The following ALKAL1 variants were observed in gnomAD, a reference collection of about 807,000 sequenced individuals.
ALKAL1 encodes the protein AUG-beta.
A neutral mutation model predicts 13.5 loss-of-function variants in ALKAL1; 23 were observed. The observed-to-expected ratio is 1.70, with a 90% confidence interval of 1.23 to 2.41. The LOEUF is 2.41. Ranked by LOEUF, ALKAL1 falls within the 30% of genes most tolerant of loss-of-function variation. The probability of loss-of-function intolerance (pLI) is 0.00; values close to 1 mark genes in which losing one functional copy is unlikely to be tolerated. For missense variants in ALKAL1, 181 were observed against 178.4 expected, an observed-to-expected ratio of 1.01 and a Z score of -0.08; for synonymous variants, 85 against 77.7, an observed-to-expected ratio of 1.09 and a Z score of -0.49.
In ALKAL1 at chr8:52,565,145, T is replaced by C; in HGVS notation, c.112A>G (p.Thr38Ala). Residue 38 changes from threonine to alanine, a missense_variant, in exon 1 of 5, where the codon ACG becomes GCG. By Grantham distance (58) the Thr-to-Ala change is moderately conservative. Transcript: ENST00000358543. ...RPRGRRGARV[T>A]DKEPKPLLFL... Reference sequence around the variant, plus strand: ...AGCAACGGCTTGGGCTCCTTATCCGTGACGCGCGCTCCCCTGCGCCCCCGG... The same window carrying C: ...AGCAACGGCTTGGGCTCCTTATCCGCGACGCGCGCTCCCCTGCGCCCCCGG... The C allele has an allele frequency of 7.1e-7, 1 of 1,404,364 alleles. No homozygotes were observed. Among genetic ancestry groups the C allele is most frequent in the Non-Finnish European group, 9.3e-7 (1 of 1,071,384 alleles). 87.0% of individuals were successfully genotyped at this position (1,404,364 alleles called of 1,614,324 possible).
chr8:52,563,417 G>A (rs1847570968), intron 1 of ALKAL1, among the ~76,000 whole-genome samples: 1 of 152,168 alleles, frequency 6.6e-6, no homozygotes, highest in South Asian at 2.1e-4. Flanking sequence ...GGAGACAGGA[G>A]CGAAACTCCG....
chr8:52,560,971 T>C (rs1202854145), intron 1 of ALKAL1, among the ~76,000 whole-genome samples: 1 of 152,224 alleles, frequency 6.6e-6, no homozygotes, highest in Non-Finnish European at 1.5e-5. Context: ...AAATGGAAGA[T>C]GATGGCTATG....
intron 3 of ALKAL1, among the ~76,000 whole-genome samples, chr8:52,539,015 C>T (rs576108709): frequency 5.9e-5 from 9 of 152,054 alleles, no homozygotes; most frequent in African/African-American, 1.7e-4. Context: ...TGGTCTCAAA[C>T]GCCTGAGCTC....
chr8:52,538,674 TCGGG>T (rs1847285999), intron 3 of ALKAL1, among the ~76,000 whole-genome samples, 167 bp from the exon 4 acceptor site: 1 of 152,136 alleles, frequency 6.6e-6, no homozygotes, highest in Non-Finnish European at 1.5e-5. Context: ...AATAACACAA[TCGGG>T]AAGGTGCTAT....
chr8:52,538,538 A>G (rs1847283286), intron 3 of ALKAL1, 31 bp from the exon 4 acceptor site: 6 of 1,404,336 alleles, frequency 4.3e-6, no homozygotes, highest in Non-Finnish European at 6.0e-6. Flanking sequence ...TAAATTATAT[A>G]TAGAGTTACT....
intron 2 of ALKAL1, 44 bp downstream of exon 2, chr8:52,542,348 C>T (rs143240639): frequency 2.3e-6 from 3 of 1,281,810 alleles, no homozygotes; most frequent in Non-Finnish European, 2.2e-6. Flanking sequence ...TGCACACAGT[C>T]TTTTTATTTA....
intron 1 of ALKAL1, among the ~76,000 whole-genome samples, chr8:52,564,365 C>CT (rs911349451): frequency 7.8e-4 from 119 of 152,312 alleles, no homozygotes; most frequent in African/African-American, 2.8e-3. Flanking sequence ...CTCGGACCTC[C>CT]TTTTCCAGGG....
chr8:52,543,788 T>C (rs940387825), intron 1 of ALKAL1, among the ~76,000 whole-genome samples: 8 of 152,170 alleles, frequency 5.3e-5, no homozygotes, highest in Non-Finnish European at 1.0e-4. Context: ...TGGTGCTTTC[T>C]GAAAAATGAA....
At chr8:52,543,244 T>TA (rs1379274914) in intron 1 of ALKAL1, among the ~76,000 whole-genome samples, 3 of 152,208 alleles carry the variant, frequency 2.0e-5, no homozygotes, top group Non-Finnish European at 4.4e-5. Flanking sequence ...TCAAGGTTTG[T>TA]TGGTAGGTAT....
At chr8:52,538,252 G>GT (rs1019770320) in intron 4 of ALKAL1, among the ~76,000 whole-genome samples, 179 bp downstream of exon 4, 19 of 151,964 alleles carry the variant, frequency 1.3e-4, no homozygotes, top group African/African-American at 4.6e-4. Flanking sequence ...GCAAAAGAAG[G>GT]TTTTGAATGC....
In ALKAL1 at chr8:52,565,416, G is replaced by C. The variant is rs896779843; in HGVS notation, c.-160C>G. On this transcript the variant is annotated 5_prime_UTR_variant, in exon 1 of 5. Transcript: ENST00000358543. Reference sequence around the variant, plus strand: ...TGCCCTTGTCTACGTCCCGGGGGTCGGCTGGAGCTGCACTGGGACTCGGTC... The same window carrying C: ...TGCCCTTGTCTACGTCCCGGGGGTCCGCTGGAGCTGCACTGGGACTCGGTC... The C allele has an allele frequency of 1.3e-5, 6 of 473,060 alleles. No homozygotes were observed. The highest frequency in any genetic ancestry group is 2.1e-5 in the Non-Finnish European group (6 of 290,380). The allele number at this position is 473,060 out of a possible 1,614,324, so 29.3% of individuals were successfully genotyped here. A position where few individuals can be genotyped will look rare whatever the true frequency, so the allele number is the denominator to read the frequency against.
rs1402386426 is a variant in ALKAL1, at chr8:52,534,188, G to A, written c.*425C>T. 1 of 152,630 alleles carries A rather than the reference G, an allele frequency of 6.6e-6. No individual in the cohort carries two copies. Among genetic ancestry groups the A allele is most frequent in the Non-Finnish European group, 1.5e-5 (1 of 68,578 alleles). 9.5% of individuals were successfully genotyped at this position (152,630 alleles called of 1,614,324 possible). ...AAATAAGAATTATAAAATTTAACTT[G>A]GTACACGATGATTTGACAAATATAT... On this transcript the variant is annotated 3_prime_UTR_variant, in exon 5 of 5. Transcript: ENST00000358543.
chr8:52,563,495 G>C (rs1847571355), intron 1 of ALKAL1, among the ~76,000 whole-genome samples: 1 of 152,156 alleles, frequency 6.6e-6, no homozygotes. Flanking sequence ...TTCACTGTCT[G>C]AATCAAAGAG....
intron 1 of ALKAL1, among the ~76,000 whole-genome samples, chr8:52,548,926 CTT>C (rs975633135): frequency 3.3e-5 from 5 of 151,846 alleles, no homozygotes; most frequent in African/African-American, 1.2e-4. Context: ...TTCTTATATT[CTT>C]GTTTAAAAAT....
At chr8:52,554,967 C>T (rs990911887) in intron 1 of ALKAL1, among the ~76,000 whole-genome samples, 3 of 151,990 alleles carry the variant, frequency 2.0e-5, no homozygotes, top group East Asian at 1.9e-4. Context: ...GTCAGGAGAT[C>T]GAGACCATCC....
intron 2 of ALKAL1, among the ~76,000 whole-genome samples, chr8:52,540,303 T>G (rs567623875): frequency 6.6e-6 from 1 of 152,364 alleles, no homozygotes; most frequent in Non-Finnish European, 1.5e-5. Context: ...AATGTTTACA[T>G]GCCAAGACAT....
At chr8:52,548,774 AT>A (rs1323194109) in intron 1 of ALKAL1, among the ~76,000 whole-genome samples, 1 of 152,164 alleles carries the variant, frequency 6.6e-6, no homozygotes, top group African/African-American at 2.4e-5. Flanking sequence ...TATCTCATTC[AT>A]CCAATTTGTA....
At chr8:52,537,466 C>A (rs959395759) in intron 4 of ALKAL1, among the ~76,000 whole-genome samples, 1 of 152,116 alleles carries the variant, frequency 6.6e-6, no homozygotes, top group Non-Finnish European at 1.5e-5. Context: ...CAAAATCCCA[C>A]TACTGGGTAT....
chr8:52,551,303 T>A (rs999037144), intron 1 of ALKAL1, among the ~76,000 whole-genome samples: 1 of 152,070 alleles, frequency 6.6e-6, no homozygotes, highest in Non-Finnish European at 1.5e-5. Flanking sequence ...TTTTTATTTT[T>A]ATTTTTTTAG....
Sources: gnomAD v4.1 joint callset for allele counts (sites outside exome capture counted in the v4.1 genomes callset) on GRCh38, gnomAD v4.1.1 for gene constraint, MANE v1.5 for transcripts, NCBI Gene and HGNC (gene_info 2026-07-23, HGNC 2026-07-21) for gene names.